Variants in IL15 observed in about 807,000 individuals in gnomAD.
IL15 encodes interleukin 15, also known as interleukin-15.
In IL15, 11 loss-of-function variants were observed where a neutral mutation model predicts 19.6. The ratio of observed to expected loss-of-function variants is 0.56; its 90% CI spans 0.35 to 0.93. IL15 has a LOEUF of 0.93. Ranked by LOEUF, IL15 falls within the 40% of genes least tolerant of loss-of-function variation. The pLI is 0.01. For synonymous variants in IL15, 58 were observed against 59.6 expected (o/e 0.97, Z 0.12); for missense variants, 197 against 186.5 (o/e 1.06, Z -0.33).
chr4:141,725,705 G>A (rs1054289384), intron 5 of IL15, among the ~76,000 whole-genome samples: 5 of 152,106 alleles, frequency 3.3e-5, no homozygotes, highest in Admixed American at 1.3e-4. Context: ...CATACTTAAT[G>A]GTGAGTACAA....
intron 2 of IL15, among the ~76,000 whole-genome samples, chr4:141,667,005 T>C (rs754607919): frequency 3.3e-5 from 5 of 152,162 alleles, no homozygotes; most frequent in Non-Finnish European, 4.4e-5. Flanking sequence ...AGATAGAATA[T>C]GGGAGCTCCT....
intron 7 of IL15, among the ~76,000 whole-genome samples, chr4:141,730,652 G>C (rs1465557413): frequency 1.4e-4 from 21 of 152,160 alleles, no homozygotes; most frequent in Admixed American, 1.4e-3. Flanking sequence ...GGCAACTTGA[G>C]CAGTAGAGGG....
rs1221631176 is a variant in IL15 at position 141,710,103 on chromosome 4, A to C, written c.-99-9263A>C. 2.6e-5 allele frequency among the ~76,000 whole-genome samples: 4 copies of C among 152,220 alleles called. No individual in the cohort carries two copies. In the East Asian group the frequency reaches 7.7e-4, roughly 29 times the overall value. ...ATGATTTCCTTCTTTTTATGACTGC[A>C]TAGTATTCCAAGGTGTATATATACC... On this transcript the variant is annotated intron_variant, in intron 2 of 7. Transcript: ENST00000320650.
At chr4:141,716,227 G>C (rs1017113763) in intron 2 of IL15, 35 of 152,260 alleles carry the variant, frequency 2.3e-4, no homozygotes, top group African/African-American at 8.0e-4. Flanking sequence ...GCTCCTTGAG[G>C]ACAGGGCTGG....
intron 1 of IL15, among the ~76,000 whole-genome samples, chr4:141,643,211 ATT>A (rs1290158630): frequency 6.6e-6 from 1 of 151,778 alleles, no homozygotes; most frequent in Non-Finnish European, 1.5e-5. Context: ...CTCCATCACC[ATT>A]TTTTTCTCTG....
intron 2 of IL15, among the ~76,000 whole-genome samples, chr4:141,664,874 T>C (rs914167818): frequency 2.0e-5 from 3 of 152,132 alleles, no homozygotes; most frequent in Admixed American, 2.0e-4. Context: ...ATTACTTTTA[T>C]AGAAAAATAT....
intron 2 of IL15, among the ~76,000 whole-genome samples, chr4:141,693,295 C>G (rs1044395329): frequency 6.6e-5 from 10 of 152,190 alleles, no homozygotes; most frequent in South Asian, 2.1e-4. Context: ...CAATCACCCC[C>G]CACTGGGTCC....
intron 2 of IL15, among the ~76,000 whole-genome samples, chr4:141,684,755 T>C (rs185933478): frequency 6.6e-6 from 1 of 152,322 alleles, no homozygotes; most frequent in Admixed American, 6.5e-5. Context: ...GTTGATTCAG[T>C]ATTATTTATT....
chr4:141,672,432 C>T (rs1728205632), intron 2 of IL15, among the ~76,000 whole-genome samples: 1 of 152,110 alleles, frequency 6.6e-6, no homozygotes, highest in Non-Finnish European at 1.5e-5. Context: ...TTATTTTAAT[C>T]AAGTAGTTTC....
chr4:141,642,837 C>T (rs1417936645), intron 1 of IL15, among the ~76,000 whole-genome samples: 3 of 152,188 alleles, frequency 2.0e-5, no homozygotes, highest in Admixed American at 6.5e-5. Context: ...TCTGTAAACT[C>T]ATTTTTATGT....
intron 2 of IL15, chr4:141,716,079 C>A (rs1341654414): frequency 6.6e-6 from 1 of 152,130 alleles, no homozygotes; most frequent in Non-Finnish European, 1.5e-5. Flanking sequence ...GAGATGCCTG[C>A]CTGCGTTAAC....
In IL15 at chr4:141,645,338, A is replaced by AG. The variant is rs1161157213; in HGVS notation, c.-222+8593dup. ...TTAAATCTTTCAGAGTTCTTAATGA[A>AG]GGGCCTCCATGCCACACACCTGATT... On this transcript the variant is annotated intron_variant, in intron 1 of 7. Coordinates refer to ENST00000320650, the MANE Select transcript of IL15 (RefSeq NM_000585.5). 2.6e-5 allele frequency among the ~76,000 whole-genome samples: 4 copies of AG among 152,274 alleles called. No individual in the cohort carries two copies. In the East Asian group the frequency reaches 7.7e-4, roughly 29 times the overall value.
At chr4:141,660,431 A>G (rs1727747850) in intron 2 of IL15, among the ~76,000 whole-genome samples, 1 of 152,012 alleles carries the variant, frequency 6.6e-6, no homozygotes, top group Non-Finnish European at 1.5e-5. Context: ...TAAAGCTTTT[A>G]ATTTTGTTTC....
chr4:141,731,899 A>C (rs1730464783), intron 7 of IL15, among the ~76,000 whole-genome samples: 1 of 152,178 alleles, frequency 6.6e-6, no homozygotes, highest in Admixed American at 6.5e-5. Flanking sequence ...GGAACATTCT[A>C]GTTATCCATG....
intron 2 of IL15, among the ~76,000 whole-genome samples, chr4:141,707,769 C>T (rs1485897777): frequency 1.3e-5 from 2 of 152,140 alleles, no homozygotes; most frequent in African/African-American, 4.8e-5. Flanking sequence ...TCAGGTTGGG[C>T]ATGTGGGGGC....
At chr4:141,642,242 A>G (rs1006022181) in intron 1 of IL15, among the ~76,000 whole-genome samples, 8 of 152,078 alleles carry the variant, frequency 5.3e-5, no homozygotes, top group Non-Finnish European at 8.8e-5. Flanking sequence ...GGTAATTATG[A>G]AAGAGGAAGT....
At chr4:141,696,629 T>C (rs1414506294) in intron 2 of IL15, among the ~76,000 whole-genome samples, 2 of 151,954 alleles carry the variant, frequency 1.3e-5, no homozygotes, top group Non-Finnish European at 2.9e-5. Flanking sequence ...TCTTAGTGTA[T>C]GGAATTTTAT....
intron 2 of IL15, among the ~76,000 whole-genome samples, chr4:141,686,124 G>A (rs763415135): frequency 1.3e-5 from 2 of 151,712 alleles, no homozygotes; most frequent in African/African-American, 2.4e-5. Context: ...GCGAAACCCC[G>A]TCTCTGCTAA....
intron 2 of IL15, among the ~76,000 whole-genome samples, chr4:141,660,360 G>T (rs570781487): frequency 6.6e-6 from 1 of 152,100 alleles, no homozygotes. Context: ...TTTTATTTTA[G>T]CTAGGGATGC....
Sources: gnomAD v4.1 joint callset for allele counts (sites outside exome capture counted in the v4.1 genomes callset) on GRCh38, gnomAD v4.1.1 for gene constraint, MANE v1.5 for transcripts, NCBI Gene and HGNC (gene_info 2026-07-23, HGNC 2026-07-21) for gene names.